The following C14orf180 variants were observed in gnomAD, a reference collection of about 807,000 sequenced individuals.
The protein encoded by C14orf180 is chromosome 14 open reading frame 180.
In C14orf180, 13 loss-of-function variants were observed where a neutral mutation model predicts 13.9. The observed-to-expected ratio is 0.94, with a 90% confidence interval of 0.61 to 1.49. The LOEUF is 1.49. C14orf180 is among the 40% of genes most tolerant of loss of function. C14orf180 has a pLI of 0.00. For missense variants in C14orf180, 238 were observed against 232.0 expected, an observed-to-expected ratio of 1.03 and a Z score of -0.17; for synonymous variants, 113 against 106.3, an observed-to-expected ratio of 1.06 and a Z score of -0.39.
At chr14:104,584,222 C>T (rs1267580800) in intron 1 of C14orf180, among the ~76,000 whole-genome samples, 1 of 152,204 alleles carries the variant, frequency 6.6e-6, no homozygotes, top group African/African-American at 2.4e-5. Flanking sequence ...GGCTGGGCCC[C>T]CTGGAATGCT....
chr14:104,587,660 C>T (rs1886673749), intron 2 of C14orf180, 89 bp from the exon 3 acceptor site: 10 of 1,355,742 alleles, frequency 7.4e-6, no homozygotes, highest in South Asian at 3.9e-5. Context: ...GGTTCCAGGA[C>T]GGTGCTGCTG....
At chr14:104,583,844 G>A (rs997696139) in intron 1 of C14orf180, among the ~76,000 whole-genome samples, 3 of 151,684 alleles carry the variant, frequency 2.0e-5, no homozygotes, top group Admixed American at 1.3e-4. Flanking sequence ...GCACATGCAT[G>A]GACACACACA....
At chr14:104,585,976 C>T (rs541554871) in intron 1 of C14orf180, among the ~76,000 whole-genome samples, 2 of 152,326 alleles carry the variant, frequency 1.3e-5, no homozygotes, top group Admixed American at 1.3e-4. Context: ...TGACAATTCC[C>T]AGTCCCCAGC....
At chr14:104,581,448 G>C (rs903264245) in intron 1 of C14orf180, 19 of 152,266 alleles carry the variant, frequency 1.2e-4, no homozygotes, top group African/African-American at 4.6e-4. Flanking sequence ...AGTCAGCCGG[G>C]GCCCTCAGGG....
Position 104,589,010 on chromosome 14 carries a change from G to C in C14orf180, c.*227G>C. 1.1e-6 allele frequency: 1 copy of C among 878,486 alleles called. No homozygotes were observed. The highest frequency in any genetic ancestry group is 2.9e-5 in the East Asian group (1 of 34,464). 54.4% of individuals were successfully genotyped at this position (878,486 alleles called of 1,614,324 possible). On this transcript the variant is annotated 3_prime_UTR_variant, in exon 5 of 5. Transcript: ENST00000557649. The surrounding 1 kb of genome is among the most constrained non-coding windows in gnomAD (Gnocchi z 4.9). ...AGTCAGCACAGCCCTCCTGTCTCCT[G>C]TGTTGGGTCCATGTGAGATTTTATT...
chr14:104,588,912 G>A lies in C14orf180; in HGVS notation c.*129G>A. ...GGCCAAAAGGGGCTGCTGCCTGAGGGCTAACTAGGAAAAGGGGGACCCCGT... is the reference window on the plus strand; with the variant it reads ...GGCCAAAAGGGGCTGCTGCCTGAGGACTAACTAGGAAAAGGGGGACCCCGT... On this transcript the variant is annotated 3_prime_UTR_variant, in exon 5 of 5. Transcript: ENST00000557649. The A allele has an allele frequency of 1.4e-6, 2 of 1,453,262 alleles. No homozygotes were observed. 90.0% of individuals were successfully genotyped at this position (1,453,262 alleles called of 1,614,324 possible).
Position 104,588,992 on chromosome 14 carries a change from A to G in C14orf180, c.*209A>G, listed in dbSNP as rs974417933. The G allele has an allele frequency of 1.1e-4, 115 of 1,032,754 alleles. No individual in the cohort carries two copies. The highest frequency in any genetic ancestry group is 1.5e-4 in the Non-Finnish European group (112 of 738,004). The allele number at this position is 1,032,754 out of a possible 1,614,324, so 64.0% of individuals were successfully genotyped here. ...AGGCGGCCCCGCCACACTAGTCAGC[A>G]CAGCCCTCCTGTCTCCTGTGTTGGG... On this transcript the variant is annotated 3_prime_UTR_variant, in exon 5 of 5. Transcript: ENST00000557649.
chr14:104,582,076 TG>T (rs1219566947), intron 1 of C14orf180, among the ~76,000 whole-genome samples: 4 of 152,020 alleles, frequency 2.6e-5, no homozygotes, highest in African/African-American at 9.7e-5. Context: ...AGCTGCTGCA[TG>T]GGGGGCACTG....
Position 104,587,795 on chromosome 14 carries a change from C to G in C14orf180, c.158C>G (p.Pro53Arg). ...CCCTCCATCCTGAAACGGAGCCGGCCGGAGCACCACCGCCCAGAGGCCAAG... is the reference window on the plus strand; with the variant it reads ...CCCTCCATCCTGAAACGGAGCCGGCGGGAGCACCACCGCCCAGAGGCCAAG... The part of the protein sequence containing the change: ...CPPSILKRSR[P>R]EHHRPEAKPQ... The change falls in exon 3 of 5, where the codon CCG becomes CGG. Residue 53 changes from proline (P) to arginine (R), a missense_variant. By Grantham distance (103) the Pro-to-Arg change is moderately radical. Transcript: ENST00000557649. 1 of 1,612,598 alleles carries G rather than the reference C, an allele frequency of 6.2e-7. No homozygotes were observed.
chr14:104,584,355 G>A (rs1886542743), intron 1 of C14orf180, among the ~76,000 whole-genome samples: 2 of 152,180 alleles, frequency 1.3e-5, no homozygotes, highest in South Asian at 4.1e-4. Flanking sequence ...GGAGAGCCCG[G>A]GCTCTGGGTC....
At chr14:104,588,479 G>T in intron 4 of C14orf180, 99 bp from the exon 5 acceptor site, 1 of 1,443,490 alleles carries the variant, frequency 6.9e-7, no homozygotes, top group Non-Finnish European at 9.3e-7. Context: ...CCATGGGCAT[G>T]GACAGGGTGG....
intron 1 of C14orf180, among the ~76,000 whole-genome samples, chr14:104,584,334 G>A (rs575200016): frequency 2.0e-4 from 31 of 152,282 alleles, no homozygotes; most frequent in Non-Finnish European, 1.0e-4. Flanking sequence ...GCCTCCTTCC[G>A]CCGGGCAGTG....
chr14:104,588,336 C>T, intron 4 of C14orf180, 27 bp downstream of exon 4: 1 of 1,609,510 alleles, frequency 6.2e-7, no homozygotes, highest in Non-Finnish European at 8.5e-7. Context: ...CATCCCTGTG[C>T]CCCACTGCCC....
At chr14:104,588,398 G>A in intron 4 of C14orf180, 89 bp downstream of exon 4, 4 of 1,581,832 alleles carry the variant, frequency 2.5e-6, no homozygotes, top group Non-Finnish European at 3.5e-6. Flanking sequence ...GTGTCACAGG[G>A]CCAGGGCCTC....
rs1247498944 is a variant in C14orf180, at chr14:104,587,355, C to A, written c.112-394C>A. On this transcript the variant is annotated intron_variant, in intron 2 of 4. Transcript: ENST00000557649. Reference sequence around the variant, plus strand: ...CCTCACGGCCCTGGCCCGGCCCCTGCCCCATAGAGCTTGCAAACTCTGGCC... The same window carrying A: ...CCTCACGGCCCTGGCCCGGCCCCTGACCCATAGAGCTTGCAAACTCTGGCC... Among the ~76,000 whole-genome samples the A allele has an allele frequency of 2.0e-5, 3 of 152,338 alleles. No individual in the cohort carries two copies. In the East Asian group the frequency reaches 5.8e-4, roughly 29 times the overall value.
intron 4 of C14orf180, 116 bp from the exon 5 acceptor site, chr14:104,588,462 G>A: frequency 6.8e-7 from 1 of 1,468,988 alleles, no homozygotes; most frequent in Non-Finnish European, 9.3e-7. Flanking sequence ...AAGAGGCTAG[G>A]GAGGGGCCAT....
chr14:104,583,453 G>A (rs1045205740), intron 1 of C14orf180, among the ~76,000 whole-genome samples: 3 of 152,208 alleles, frequency 2.0e-5, no homozygotes, highest in Non-Finnish European at 2.9e-5. Context: ...TCTGTGCACT[G>A]ACTCCCACCC....
At chr14:104,583,267 G>A (rs1886501167) in intron 1 of C14orf180, among the ~76,000 whole-genome samples, 1 of 152,172 alleles carries the variant, frequency 6.6e-6, no homozygotes, top group South Asian at 2.1e-4. Flanking sequence ...CCCAGGGGAA[G>A]GTGCATCTCT....
intron 1 of C14orf180, among the ~76,000 whole-genome samples, chr14:104,583,476 G>A (rs1035280158): frequency 8.5e-5 from 13 of 152,310 alleles, no homozygotes; most frequent in Admixed American, 2.6e-4. Flanking sequence ...ACGCGAGCCC[G>A]CAGAGGCTGC....
Sources: gnomAD v4.1 joint callset for allele counts (sites outside exome capture counted in the v4.1 genomes callset) on GRCh38, gnomAD v4.1.1 for gene constraint, Gnocchi (gnomAD v3.1) non-coding constraint, MANE v1.5 for transcripts, NCBI Gene and HGNC (gene_info 2026-07-23, HGNC 2026-07-21) for gene names.